DAW1: variants seen among roughly 807,000 people sequenced by gnomAD.
DAW1 encodes the protein dynein assembly factor with WD repeats 1.
A neutral mutation model predicts 56.5 loss-of-function variants in DAW1; 47 were observed. That is an observed-to-expected ratio of 0.83 (90% CI 0.66 to 1.06). The LOEUF (loss-of-function observed/expected upper bound fraction) is 1.06, where lower values mean the gene tolerates loss of function less well. Among genes scored for constraint, DAW1 ranks in the 50% least tolerant of loss-of-function variants. DAW1 has a pLI of 0.00. For missense variants in DAW1, 505 were observed against 499.3 expected (o/e 1.01, Z -0.11); for synonymous variants, 190 against 179.0 (o/e 1.06, Z -0.49).
chr2:227,893,250 ACAGAGCAAGACTCTGT>A (rs1170925241), intron 4 of DAW1, among the ~76,000 whole-genome samples: 2 of 148,604 alleles, frequency 1.3e-5, no homozygotes, highest in African/African-American at 5.0e-5. Flanking sequence ...AGCCTGGGTG[ACAGAGCAAGACTCTGT>A]CTCGGGGGTG....
intron 1 of DAW1, among the ~76,000 whole-genome samples, chr2:227,882,761 T>C (rs374463778): frequency 7.9e-5 from 12 of 152,228 alleles, no homozygotes; most frequent in Admixed American, 2.0e-4. Context: ...GTTCTCATGA[T>C]AGTGAGTGAG....
chr2:227,892,142 T>TTTTC (rs1691280316), intron 4 of DAW1, among the ~76,000 whole-genome samples: 1 of 152,078 alleles, frequency 6.6e-6, no homozygotes, highest in African/African-American at 2.4e-5. Context: ...TAATAATTTT[T>TTTTC]TTTTTTTGAG....
chr2:227,914,801 A>G (rs1350500820), intron 10 of DAW1, among the ~76,000 whole-genome samples: 1 of 152,128 alleles, frequency 6.6e-6, no homozygotes, highest in African/African-American at 2.4e-5. Flanking sequence ...TGGAATCAAT[A>G]TGATATCTGT....
chr2:227,909,274 G>A (rs71431086), intron 10 of DAW1, among the ~76,000 whole-genome samples: 12,946 of 61,818 alleles, frequency 0.21, 642 homozygotes, highest in Admixed American at 0.34. Context: ...CTATCTATCT[G>A]TCTGTCTGTC....
At position 227,889,872 on chromosome 2, in the gene DAW1, T is replaced by C; in HGVS notation, c.130T>C (p.Leu44=). ...DLGPSTDVSA[L]VEEIQKAEPL... Reference sequence around the variant, plus strand: ...GTATTTCAGCACTGATGTCAGTGCGTTAGTAGAAGAAATCCAGAAGGCAGA... The same window carrying C: ...GTATTTCAGCACTGATGTCAGTGCGCTAGTAGAAGAAATCCAGAAGGCAGA... The change falls in exon 3 of 13, where the codon TTA becomes CTA. Residue 44 remains leucine (L), a synonymous_variant. Transcript: ENST00000309931. 1 of 1,600,268 alleles carries C rather than the reference T, an allele frequency of 6.2e-7. No individual in the cohort carries two copies. The highest frequency in any genetic ancestry group is 8.5e-7 in the Non-Finnish European group (1 of 1,175,922).
rs756806067 is a variant in DAW1 at position 227,871,670 on chromosome 2, G to C, written c.-20G>C. The C allele has an allele frequency of 1.2e-6, 2 of 1,612,604 alleles. No individual in the cohort carries two copies. The highest frequency in any genetic ancestry group is 1.7e-6 in the Non-Finnish European group (2 of 1,179,322). ...TCCAAGGCTACGAAGCCCATCGGCCGGGGATAAGAGAGCAAGAAAATGAAG... is the reference window on the plus strand; with the variant it reads ...TCCAAGGCTACGAAGCCCATCGGCCCGGGATAAGAGAGCAAGAAAATGAAG... On this transcript the variant is annotated 5_prime_UTR_variant, in exon 1 of 13. Coordinates refer to ENST00000309931, the MANE Select transcript of DAW1 (RefSeq NM_178821.3).
chr2:227,924,052 T>C lies in DAW1; in HGVS notation c.*84T>C, dbSNP rs540227260. The C allele has an allele frequency of 2.7e-6, 4 of 1,476,886 alleles. No individual in the cohort carries two copies. Among genetic ancestry groups the C allele is most frequent in the Non-Finnish European group, 1.9e-6 (2 of 1,070,064 alleles). The allele number at this position is 1,476,886 out of a possible 1,614,324, so 91.5% of individuals were successfully genotyped here. On this transcript the variant is annotated 3_prime_UTR_variant, in exon 13 of 13. Coordinates refer to ENST00000309931, the MANE Select transcript of DAW1 (RefSeq NM_178821.3). The stretch of plus-strand genomic sequence containing the variant: ...TCACAGACAGCAGCTCTCTTAATAT[T>C]TCTTATACTTTCTCTTTTTCTGCAA...
intron 10 of DAW1, among the ~76,000 whole-genome samples, chr2:227,913,881 ATCTGTCTGTCTG>A (rs71422211): frequency 2.3e-4 from 28 of 120,504 alleles, no homozygotes; most frequent in Non-Finnish European, 3.0e-4. Context: ...ATATCTATCT[ATCTGTCTGTCTG>A]TCTGTCTGTC....
chr2:227,897,730 G>T (rs755016666), intron 5 of DAW1, among the ~76,000 whole-genome samples: 1 of 152,118 alleles, frequency 6.6e-6, no homozygotes, highest in Admixed American at 6.5e-5. Flanking sequence ...GACAAGCACC[G>T]TCTAAATTCT....
At chr2:227,872,441 A>C (rs1462364323) in intron 1 of DAW1, 2 of 151,964 alleles carry the variant, frequency 1.3e-5, no homozygotes, top group Non-Finnish European at 2.9e-5. Flanking sequence ...TAGCTTTATG[A>C]GGGGTGGGAC....
chr2:227,871,821 A>G (rs1690757066), intron 1 of DAW1, 92 bp downstream of exon 1: 1 of 1,550,204 alleles, frequency 6.5e-7, no homozygotes, highest in African/African-American at 1.4e-5. Context: ...AGCCACTGAA[A>G]GGCGGCGGGG....
At chr2:227,915,098 C>A (rs757466979) in intron 10 of DAW1, among the ~76,000 whole-genome samples, 90 of 152,064 alleles carry the variant, frequency 5.9e-4, no homozygotes, top group Non-Finnish European at 1.1e-3. Context: ...TGGTGCCACA[C>A]TCTGTCTGCA....
At chr2:227,914,709 T>C (rs948056225) in intron 10 of DAW1, among the ~76,000 whole-genome samples, 7 of 152,080 alleles carry the variant, frequency 4.6e-5, no homozygotes, top group African/African-American at 9.7e-5. Flanking sequence ...TTAACATGTA[T>C]TGTGCTACAT....
At chr2:227,892,347 T>G (rs1033796581) in intron 4 of DAW1, among the ~76,000 whole-genome samples, 2 of 152,024 alleles carry the variant, frequency 1.3e-5, no homozygotes, top group African/African-American at 4.8e-5. Context: ...TTGGTCAGGC[T>G]GGTCTCGAAC....
At chr2:227,875,650 T>TA (rs1198119605) in intron 1 of DAW1, among the ~76,000 whole-genome samples, 8 of 152,352 alleles carry the variant, frequency 5.3e-5, no homozygotes, top group Non-Finnish European at 8.8e-5. Context: ...AGTGAAGACT[T>TA]AGATATCTCC....
At chr2:227,882,434 G>A (rs1442146466) in intron 1 of DAW1, among the ~76,000 whole-genome samples, 4 of 152,080 alleles carry the variant, frequency 2.6e-5, no homozygotes, top group African/African-American at 9.7e-5. Context: ...CTCACAATAG[G>A]AAAACATCAA....
At chr2:227,910,416 G>T (rs142672672) in intron 10 of DAW1, among the ~76,000 whole-genome samples, 1 of 151,692 alleles carries the variant, frequency 6.6e-6, no homozygotes. Flanking sequence ...AGGTTACAGC[G>T]AACTATGATT....
intron 6 of DAW1, among the ~76,000 whole-genome samples, chr2:227,900,572 A>G (rs1178156379): frequency 6.6e-6 from 1 of 152,150 alleles, no homozygotes; most frequent in Non-Finnish European, 1.5e-5. Flanking sequence ...TGAGCCAAGG[A>G]AAGGTGTTCA....
In DAW1 at chr2:227,915,212, A is replaced by G. The variant is rs542080675; in HGVS notation, c.974-3568A>G. ...TTCATGTTGTGTAGTGATGTAAACTATATCTTCATCCTTTACTTGATGATG... is the reference window on the plus strand; with the variant it reads ...TTCATGTTGTGTAGTGATGTAAACTGTATCTTCATCCTTTACTTGATGATG... On this transcript the variant is annotated intron_variant, in intron 10 of 12. Coordinates refer to ENST00000309931, the MANE Select transcript of DAW1 (RefSeq NM_178821.3). Among the ~76,000 whole-genome samples the G allele has an allele frequency of 2.7e-3, 404 of 152,204 alleles. 3 individuals are homozygous for G. Among genetic ancestry groups the G allele is most frequent in the African/African-American group, 9.2e-3 (384 of 41,542 alleles).
Sources: allele counts gnomAD v4.1 joint callset (sites outside exome capture counted in the v4.1 genomes callset), GRCh38; gene constraint gnomAD v4.1.1; transcripts MANE v1.5; gene names NCBI Gene and HGNC (gene_info 2026-07-23, HGNC 2026-07-21).